Variants in LMO7 observed in about 807,000 individuals in gnomAD.
The protein encoded by LMO7 is LIM domain only protein 7.
Under a neutral mutation model 206.5 loss-of-function variants are expected in LMO7, and 120 were observed. That is an observed-to-expected ratio of 0.58 (90% CI 0.50 to 0.68). LMO7 has a LOEUF of 0.68. Ranked by LOEUF, LMO7 falls within the 30% of genes least tolerant of loss-of-function variation. LMO7 has a pLI of 0.00. For synonymous variants in LMO7, 706 were observed against 681.5 expected, an observed-to-expected ratio of 1.04 and a Z score of -0.56; for missense variants, 1,959 against 1,957.9, an observed-to-expected ratio of 1.00 and a Z score of -0.01.
Position 75,799,316 on chromosome 13 carries a change from C to T in LMO7, c.463-1368C>T, listed in dbSNP as rs2054441040. On this transcript the variant is annotated intron_variant, in intron 6 of 30. Coordinates refer to ENST00000377534, the MANE Select transcript of LMO7 (RefSeq NM_001306080.2). ...ATAATTAAAAGTTGAAAGAAGAGTACAACAAATACCCAGATATGCACCGTC... is the reference window on the plus strand; with the variant it reads ...ATAATTAAAAGTTGAAAGAAGAGTATAACAAATACCCAGATATGCACCGTC... 2.0e-5 allele frequency among the ~76,000 whole-genome samples: 3 copies of T among 152,308 alleles called. 1 individual carries two copies. The highest frequency in any genetic ancestry group is 4.1e-4 in the South Asian group (2 of 4,828).
At chr13:75,849,039 A>G in intron 26 of LMO7, 40 bp from the exon 27 acceptor site, 1 of 1,212,674 alleles carries the variant, frequency 8.2e-7, no homozygotes. Flanking sequence ...CACTTTTAAA[A>G]GGTACTAATC....
Position 75,823,821 on chromosome 13 carries a change from C to T in LMO7, c.2897C>T (p.Ser966Phe). 1 of 1,614,108 alleles carries T rather than the reference C, an allele frequency of 6.2e-7. No individual in the cohort carries two copies. Among genetic ancestry groups the T allele is most frequent in the South Asian group, 1.1e-5 (1 of 91,084 alleles). The change falls in exon 15 of 31, where the codon TCT becomes TTT. Residue 966 changes from serine to phenylalanine, a missense_variant. Transcript: ENST00000377534. ...TCCACATCTGGTCTTGATTTAATGT[C>T]TGAATCTGGAGAAGGGGAAATCTCC... The part of the protein sequence containing the change: ...LSSTSGLDLM[S>F]ESGEGEISPQ...
chr13:75,666,228 C>T (rs1334466918), intron 1 of LMO7, among the ~76,000 whole-genome samples: 2 of 152,086 alleles, frequency 1.3e-5, no homozygotes, highest in African/African-American at 2.4e-5. Context: ...ATTATTGGAA[C>T]GTTAAGCTTG....
At chr13:75,727,172 T>G (rs1446885855) in intron 3 of LMO7, 74 bp downstream of exon 3, 1 of 893,950 alleles carries the variant, frequency 1.1e-6, no homozygotes, top group Non-Finnish European at 1.8e-6. Flanking sequence ...AGGCAGATTT[T>G]TGTATCTGCA....
chr13:75,699,502 G>A (rs1028022435), intron 1 of LMO7, among the ~76,000 whole-genome samples: 26 of 151,224 alleles, frequency 1.7e-4, no homozygotes, highest in Non-Finnish European at 3.7e-4. Context: ...GCCGGTCTGA[G>A]AAATAAATAA....
chr13:75,794,151 C>T (rs1429633663), intron 4 of LMO7, among the ~76,000 whole-genome samples: 2 of 152,056 alleles, frequency 1.3e-5, no homozygotes, highest in African/African-American at 2.4e-5. Flanking sequence ...CATATATAAG[C>T]GTTTATGTTG....
intron 3 of LMO7, among the ~76,000 whole-genome samples, chr13:75,736,953 A>G (rs1302203720): frequency 1.3e-5 from 2 of 152,230 alleles, no homozygotes; most frequent in Non-Finnish European, 2.9e-5. Context: ...GAAAAATAAT[A>G]GATTCTAGAA....
chr13:75,685,464 C>T (rs899024739), intron 1 of LMO7, among the ~76,000 whole-genome samples: 1 of 152,190 alleles, frequency 6.6e-6, no homozygotes, highest in African/African-American at 2.4e-5. Flanking sequence ...AGATGAAAGC[C>T]TGGCAATGCA....
chr13:75,738,339 T>C (rs1280883158), intron 3 of LMO7, among the ~76,000 whole-genome samples: 1 of 152,202 alleles, frequency 6.6e-6, no homozygotes, highest in Non-Finnish European at 1.5e-5. Flanking sequence ...CTTTTGCATA[T>C]GGACCTGTGG....
chr13:75,756,087 T>A (rs2047664025), intron 3 of LMO7, among the ~76,000 whole-genome samples: 1 of 152,132 alleles, frequency 6.6e-6, no homozygotes, highest in African/African-American at 2.4e-5. Context: ...GAGTTGAGGA[T>A]GTGGTTGTAA....
chr13:75,676,160 CT>C (rs1385643598), intron 1 of LMO7, among the ~76,000 whole-genome samples: 1 of 152,136 alleles, frequency 6.6e-6, no homozygotes, highest in Non-Finnish European at 1.5e-5. Flanking sequence ...TAAAATTATG[CT>C]GTTATTGCTC....
intron 4 of LMO7, among the ~76,000 whole-genome samples, chr13:75,777,415 G>C (rs1185009284): frequency 6.6e-6 from 1 of 152,068 alleles, no homozygotes; most frequent in Non-Finnish European, 1.5e-5. Flanking sequence ...CCCAGCCACG[G>C]TATATTTTTC....
Position 75,857,957 on chromosome 13 carries a change from A to G in LMO7, c.*14A>G. The G allele has an allele frequency of 1.2e-6, 2 of 1,610,086 alleles. No homozygotes were observed. Among genetic ancestry groups the G allele is most frequent in the Non-Finnish European group, 1.7e-6 (2 of 1,177,984 alleles). On this transcript the variant is annotated 3_prime_UTR_variant, in exon 31 of 31. Transcript: ENST00000377534. ...ACCGCCATGTGATGTAAGCCTCCAT[A>G]CGAAAGCACTGTTGCAGATAGAAGA...
intron 15 of LMO7, among the ~76,000 whole-genome samples, chr13:75,826,513 G>C (rs1232791854): frequency 6.6e-6 from 1 of 152,194 alleles, no homozygotes; most frequent in African/African-American, 2.4e-5. Context: ...TAGTGGCACT[G>C]TGTGGTTTGC....
At chr13:75,689,885 C>G (rs992011551) in intron 1 of LMO7, among the ~76,000 whole-genome samples, 4 of 152,138 alleles carry the variant, frequency 2.6e-5, no homozygotes, top group Admixed American at 1.3e-4. Flanking sequence ...TATTGTGGGA[C>G]TTGACCTTGT....
rs2052399834 is a variant in LMO7, at chr13:75,786,240, C to G, written c.318-9161C>G. Among the ~76,000 whole-genome samples, 3 of 152,170 alleles carry G rather than the reference C, an allele frequency of 2.0e-5. No homozygotes were observed. The South Asian group carries it at 6.2e-4, about 32-fold the overall frequency. On this transcript the variant is annotated intron_variant, in intron 4 of 30. Coordinates refer to ENST00000377534, the MANE Select transcript of LMO7 (RefSeq NM_001306080.2). ...AAAGTGTCTGTGTCTTGCTTGCCTG[C>G]ACTGCAGTGGCCACTCCTGCCACAC...
Position 75,740,360 on chromosome 13 carries a change from G to A in LMO7, c.210+13262G>A, listed in dbSNP as rs1255812812. On this transcript the variant is annotated intron_variant, in intron 3 of 30. Transcript: ENST00000377534. ...TCCCAGCCCTCTGGGAGGTCAAGGC[G>A]GGAGGATTGCTTGAGCTCAAGAGTT... Among the ~76,000 whole-genome samples, 4 of 152,328 alleles carry A rather than the reference G, an allele frequency of 2.6e-5. No individual in the cohort carries two copies. In the East Asian group the frequency reaches 7.7e-4, roughly 29 times the overall value.
intron 1 of LMO7, among the ~76,000 whole-genome samples, chr13:75,668,219 A>C (rs2039245692): frequency 6.6e-6 from 1 of 152,014 alleles, no homozygotes; most frequent in Admixed American, 6.6e-5. Context: ...AAAAAGAACC[A>C]AAAAACAAAA....
intron 28 of LMO7, chr13:75,854,999 C>A: frequency 2.7e-6 from 1 of 371,442 alleles, no homozygotes; most frequent in South Asian, 4.4e-5. Context: ...GTATCAGAAA[C>A]TGCAGGATGG....
Sources: allele counts gnomAD v4.1 joint callset (sites outside exome capture counted in the v4.1 genomes callset), GRCh38; gene constraint gnomAD v4.1.1; transcripts MANE v1.5; gene names NCBI Gene and HGNC (gene_info 2026-07-23, HGNC 2026-07-21).